TENM2: variants seen among roughly 807,000 people sequenced by gnomAD.
TENM2 encodes teneurin-2.
In TENM2, 52 loss-of-function variants were observed where a neutral mutation model predicts 245.2. The observed-to-expected ratio is 0.21, with a 90% CI of 0.17 to 0.27. The LOEUF (loss-of-function observed/expected upper bound fraction) is 0.27. Ranked by LOEUF, TENM2 falls within the 10% of genes least tolerant of loss-of-function variation. TENM2 has a pLI of 1.00. For synonymous variants in TENM2, 1,363 were observed against 1,438.9 expected, an observed-to-expected ratio of 0.95 and a Z score of 1.19; for missense variants, 3,046 against 3,666.8, an observed-to-expected ratio of 0.83 and a Z score of 4.37.
chr5:167,974,040 A>AG (rs1491316048), intron 4 of TENM2, among the ~76,000 whole-genome samples: 8 of 38,518 alleles, frequency 2.1e-4, no homozygotes, highest in Non-Finnish European at 2.9e-4. Context: ...AGGAAGGAGA[A>AG]GGAAGGAAGG....
At chr5:167,132,897 C>G in the TENM2 span, among the ~76,000 whole-genome samples, 1 of 152,234 alleles carries the variant, frequency 6.6e-6, no homozygotes, top group Non-Finnish European at 1.5e-5. Flanking sequence ...GTTCACTCCT[C>G]TCTGCCTAGG....
At chr5:167,839,964 T>A (rs1304931790) in intron 2 of TENM2, among the ~76,000 whole-genome samples, 1 of 152,284 alleles carries the variant, frequency 6.6e-6, no homozygotes, top group East Asian at 1.9e-4. Flanking sequence ...ATTACAGGCA[T>A]GCGCCACCAC....
intron 2 of TENM2, among the ~76,000 whole-genome samples, chr5:167,395,988 G>A (rs1365464557): frequency 1.3e-5 from 2 of 152,102 alleles, no homozygotes; most frequent in Non-Finnish European, 2.9e-5. Flanking sequence ...TGGAGAAATC[G>A]TAGCTTTTAT....
At chr5:167,124,159 C>T in the TENM2 span, among the ~76,000 whole-genome samples, 1 of 152,282 alleles carries the variant, frequency 6.6e-6, no homozygotes, top group Non-Finnish European at 1.5e-5. Flanking sequence ...TCAGATTCCT[C>T]ATCCATAAAT....
chr5:167,039,411 C>T, the TENM2 span, among the ~76,000 whole-genome samples: 10 of 152,250 alleles, frequency 6.6e-5, no homozygotes, highest in South Asian at 6.2e-4. Flanking sequence ...TCCTCGAAGG[C>T]GCACTGGCCA....
At chr5:167,647,687 T>G (rs1316290893) in intron 2 of TENM2, among the ~76,000 whole-genome samples, 1 of 152,094 alleles carries the variant, frequency 6.6e-6, no homozygotes, top group Admixed American at 6.6e-5. Context: ...TTTACTGAAT[T>G]ATTTCACAAG....
intron 5 of TENM2, among the ~76,000 whole-genome samples, chr5:168,040,460 G>T (rs1484228948): frequency 6.6e-6 from 1 of 152,166 alleles, no homozygotes; most frequent in Non-Finnish European, 1.5e-5. Flanking sequence ...CGGGAGATAG[G>T]TGCACAAATC....
intron 1 of TENM2, among the ~76,000 whole-genome samples, chr5:167,340,879 G>A (rs957684597): frequency 6.6e-6 from 1 of 152,042 alleles, no homozygotes; most frequent in African/African-American, 2.4e-5. Context: ...CCTGTTTGGG[G>A]TTTATTATTT....
intron 23 of TENM2, among the ~76,000 whole-genome samples, chr5:168,219,491 C>A (rs376401961): frequency 2.6e-5 from 4 of 152,188 alleles, no homozygotes; most frequent in East Asian, 3.9e-4. Flanking sequence ...TTAAAAGATG[C>A]GAGAGCTGGT....
intron 1 of TENM2, among the ~76,000 whole-genome samples, chr5:167,340,289 T>C (rs1233820068): frequency 3.3e-5 from 5 of 152,216 alleles, no homozygotes; most frequent in African/African-American, 1.2e-4. Context: ...TGTTTAGTTA[T>C]TTGCTACAGC....
chr5:167,925,262 A>C (rs1449694168), intron 3 of TENM2, among the ~76,000 whole-genome samples: 2 of 152,222 alleles, frequency 1.3e-5, no homozygotes, highest in African/African-American at 4.8e-5. Context: ...TGAATGAAAG[A>C]AGTCAGACAT....
intron 2 of TENM2, among the ~76,000 whole-genome samples, chr5:167,642,293 T>G (rs745441037): frequency 4.7e-4 from 72 of 152,150 alleles, no homozygotes; most frequent in Non-Finnish European, 1.0e-3. Context: ...TATCAGGTAT[T>G]CAGGGAATGA....
Position 167,830,647 on chromosome 5 carries a change from G to C in TENM2, c.503-45339G>C, listed in dbSNP as rs958320246. 3.8e-4 allele frequency among the ~76,000 whole-genome samples: 58 copies of C among 152,182 alleles called. 1 individual carries two copies. Among genetic ancestry groups the C allele is most frequent in the Admixed American group, 3.8e-3 (58 of 15,276 alleles). ...GAGGAGGCAAACGAAAGAGAGAGTG[G>C]TCAGCTCAGGCTCAAAAGTTTATGA... On this transcript the variant is annotated intron_variant, in intron 2 of 28. Transcript: ENST00000518659.
chr5:167,822,502 T>G (rs779626953), intron 2 of TENM2, among the ~76,000 whole-genome samples: 1 of 152,030 alleles, frequency 6.6e-6, no homozygotes, highest in Admixed American at 6.5e-5. Flanking sequence ...CATGTTTAAT[T>G]TAACAAAACA....
chr5:167,546,279 C>CT (rs1382850166), intron 2 of TENM2, among the ~76,000 whole-genome samples: 1 of 152,122 alleles, frequency 6.6e-6, no homozygotes, highest in Non-Finnish European at 1.5e-5. Flanking sequence ...AGCATGTCTT[C>CT]TTTTTTTGTT....
intron 3 of TENM2, among the ~76,000 whole-genome samples, chr5:167,880,705 T>G (rs1402334524): frequency 6.6e-6 from 1 of 152,168 alleles, no homozygotes; most frequent in Non-Finnish European, 1.5e-5. Context: ...GTAACCTCCC[T>G]TAAATAAGAC....
chr5:167,237,102 G>C, the TENM2 span, among the ~76,000 whole-genome samples: 9 of 152,012 alleles, frequency 5.9e-5, no homozygotes, highest in African/African-American at 1.9e-4. Context: ...TAAGAAGCTA[G>C]GAACCCCTGT....
In TENM2 at chr5:167,885,370, T is replaced by C. The variant is rs1169122378; in HGVS notation, c.712+9175T>C. 1.4e-4 allele frequency among the ~76,000 whole-genome samples: 21 copies of C among 152,202 alleles called. 1 individual carries two copies. Among genetic ancestry groups the C allele is most frequent in the Admixed American group, 1.4e-3 (21 of 15,270 alleles). The stretch of plus-strand genomic sequence containing the variant: ...TGTTCTAAATTTTTACAAATGGTAA[T>C]TCATTTAATCCTCACCACTGAGAAA... On this transcript the variant is annotated intron_variant, in intron 3 of 28. Coordinates refer to ENST00000518659, the Ensembl canonical transcript of TENM2.
intron 6 of TENM2, 84 bp from the exon 9 acceptor site, chr5:168,061,976 A>G: frequency 8.0e-7 from 1 of 1,250,034 alleles, no homozygotes; most frequent in Non-Finnish European, 1.1e-6. Flanking sequence ...AACAAAAAAA[A>G]ACCTGGCATG....
Sources: gnomAD v4.1 joint callset for allele counts (sites outside exome capture counted in the v4.1 genomes callset) on GRCh38, gnomAD v4.1.1 for gene constraint, MANE v1.5 for transcripts, NCBI Gene and HGNC (gene_info 2026-07-23, HGNC 2026-07-21) for gene names.